The following ATP8B4 variants were observed in gnomAD, a reference collection of about 807,000 sequenced individuals.
ATP8B4 encodes ATPase phospholipid transporting 8B4 (putative), also known as probable phospholipid-transporting ATPase IM.
Under a neutral mutation model 145.6 loss-of-function variants are expected in ATP8B4, and 133 were observed. That is an observed-to-expected ratio of 0.91 (90% CI 0.79 to 1.05). ATP8B4 has a LOEUF of 1.05. Among genes scored for constraint, ATP8B4 ranks in the 50% least tolerant of loss-of-function variants. The probability of loss-of-function intolerance (pLI) is 0.00; values close to 1 mark genes in which losing one functional copy is unlikely to be tolerated. For synonymous variants in ATP8B4, 507 were observed against 492.9 expected, an observed-to-expected ratio of 1.03 and a Z score of -0.38; for missense variants, 1,458 against 1,425.2, an observed-to-expected ratio of 1.02 and a Z score of -0.37.
Position 50,035,198 on chromosome 15 carries a change from T to C in ATP8B4, c.362+3570A>G, listed in dbSNP as rs117711677. ...TAGAGGAAGGTTAGAAGGGAAGGGT[T>C]TCACTTCCATAATTATATTGTGGCT... On this transcript the variant is annotated intron_variant, in intron 6 of 27. Coordinates refer to ENST00000284509, the MANE Select transcript of ATP8B4 (RefSeq NM_024837.4). Among the ~76,000 whole-genome samples the C allele has an allele frequency of 3.5e-3, 539 of 152,316 alleles. 1 individual carries two copies. Among genetic ancestry groups the C allele is most frequent in the Non-Finnish European group, 5.9e-3 (401 of 68,018 alleles).
At chr15:49,970,908 G>C (rs568425604) in intron 13 of ATP8B4, among the ~76,000 whole-genome samples, 17 of 152,232 alleles carry the variant, frequency 1.1e-4, no homozygotes, top group African/African-American at 4.1e-4. Context: ...AGCATGTACT[G>C]CTACCAAAAG....
chr15:50,158,437 G>A (rs960386888), intron 1 of ATP8B4, among the ~76,000 whole-genome samples: 3 of 146,584 alleles, frequency 2.0e-5, no homozygotes, highest in African/African-American at 7.7e-5. Context: ...GGAGGGAGGT[G>A]GGGGGTCAGA....
chr15:49,862,570 C>T lies in ATP8B4; in HGVS notation c.3167-195G>A, dbSNP rs141369144. Among the ~76,000 whole-genome samples, 751 of 152,144 alleles carry T rather than the reference C, an allele frequency of 4.9e-3. 14 individuals are homozygous for T. The East Asian group carries it at 0.071, about 14-fold the overall frequency. ...CTCCTGCGTTCATGCCATTCTCCTG[C>T]CTCAGCCTCCTGAGTAGCTGGGACT... On this transcript the variant is annotated intron_variant, in intron 26 of 27. Coordinates refer to ENST00000284509, the MANE Select transcript of ATP8B4 (RefSeq NM_024837.4).
chr15:49,953,521 G>C (rs931324910), intron 14 of ATP8B4, among the ~76,000 whole-genome samples: 1 of 152,222 alleles, frequency 6.6e-6, no homozygotes, highest in African/African-American at 2.4e-5. Flanking sequence ...TTGAGCTGTG[G>C]GGACAAGTCT....
intron 10 of ATP8B4, among the ~76,000 whole-genome samples, chr15:49,986,695 T>C (rs1382393268): frequency 6.6e-6 from 1 of 152,236 alleles, no homozygotes; most frequent in Non-Finnish European, 1.5e-5. Flanking sequence ...TAAACAGGAC[T>C]TTTAAAATCA....
chr15:50,076,480 G>C (rs764050068), intron 2 of ATP8B4, among the ~76,000 whole-genome samples: 5 of 150,466 alleles, frequency 3.3e-5, no homozygotes, highest in Non-Finnish European at 7.4e-5. Context: ...GACAGAGCAA[G>C]ACTCCATCTC....
At chr15:49,893,942 T>C (rs1235554995) in intron 23 of ATP8B4, among the ~76,000 whole-genome samples, 2 of 152,232 alleles carry the variant, frequency 1.3e-5, no homozygotes, top group African/African-American at 4.8e-5. Context: ...TAATTATAAC[T>C]TGTTTGTATC....
At chr15:50,068,526 A>G (rs1339730190) in intron 3 of ATP8B4, among the ~76,000 whole-genome samples, 1 of 152,192 alleles carries the variant, frequency 6.6e-6, no homozygotes, top group Non-Finnish European at 1.5e-5. Flanking sequence ...TTAAATCTTC[A>G]TCAATTTACA....
chr15:49,918,179 G>C (rs1486531124), intron 19 of ATP8B4, among the ~76,000 whole-genome samples: 1 of 152,018 alleles, frequency 6.6e-6, no homozygotes, highest in Non-Finnish European at 1.5e-5. Context: ...AAAATATGTT[G>C]GTCCCCTTTT....
chr15:50,126,240 C>CAA (rs3076891), intron 1 of ATP8B4, among the ~76,000 whole-genome samples: 30,395 of 90,812 alleles, frequency 0.33, 4,035 homozygotes, highest in East Asian at 0.52. Context: ...GCTAACAGTC[C>CAA]AAAAAAAAAA....
intron 13 of ATP8B4, among the ~76,000 whole-genome samples, chr15:49,966,979 G>A (rs2044610347): frequency 6.6e-6 from 1 of 152,144 alleles, no homozygotes; most frequent in Non-Finnish European, 1.5e-5. Flanking sequence ...AGGCAAACAG[G>A]GTCTGGAGTG....
chr15:50,089,134 G>A (rs747676801), intron 2 of ATP8B4, among the ~76,000 whole-genome samples: 13 of 152,072 alleles, frequency 8.5e-5, no homozygotes, highest in Non-Finnish European at 1.6e-4. Context: ...AACTCAAGAT[G>A]GATTAAAGAC....
In ATP8B4 at chr15:50,071,755, T is replaced by A. The variant is rs147484143; in HGVS notation, c.87+2372A>T. Among the ~76,000 whole-genome samples, 298 of 152,296 alleles carry A rather than the reference T, an allele frequency of 2.0e-3. 3 individuals are homozygous for A. The Middle Eastern group carries it at 0.041, about 21-fold the overall frequency. ...TGTCACCTTGGGGAATTATAGCCCC[T>A]CCCTCTCCCAGGCTAAGAAGCATGT... is the stretch of plus-strand genomic sequence containing the variant. On this transcript the variant is annotated intron_variant, in intron 3 of 27. Coordinates refer to ENST00000284509, the MANE Select transcript of ATP8B4 (RefSeq NM_024837.4).
chr15:49,871,006 TACTTACTATGTG>T (rs2033593305), intron 25 of ATP8B4, among the ~76,000 whole-genome samples: 1 of 152,370 alleles, frequency 6.6e-6, no homozygotes, highest in South Asian at 2.1e-4. Context: ...GAATTCCCTG[TACTTACTATGTG>T]ACTGGGGAGG....
intron 1 of ATP8B4, among the ~76,000 whole-genome samples, chr15:50,151,553 C>A (rs2044347137): frequency 6.6e-6 from 1 of 152,130 alleles, no homozygotes; most frequent in Non-Finnish European, 1.5e-5. Flanking sequence ...AGAAAGACCT[C>A]TGACATGGTC....
intron 1 of ATP8B4, among the ~76,000 whole-genome samples, chr15:50,139,517 T>C (rs1464864817): frequency 2.0e-5 from 3 of 152,170 alleles, no homozygotes; most frequent in African/African-American, 7.2e-5. Context: ...GACGGGTTGA[T>C]AGGTGCGGTA....
intron 22 of ATP8B4, 149 bp from the exon 23 acceptor site, chr15:49,897,664 A>C: frequency 1.4e-6 from 1 of 705,420 alleles, no homozygotes; most frequent in Non-Finnish European, 2.1e-6. Context: ...CTTATGATAG[A>C]TATTTCTCTT....
chr15:50,001,476 T>G (rs2047888848), intron 8 of ATP8B4, among the ~76,000 whole-genome samples: 1 of 152,196 alleles, frequency 6.6e-6, no homozygotes, highest in Non-Finnish European at 1.5e-5. Flanking sequence ...ACTCTTCAGA[T>G]GCTTTGGACA....
At chr15:50,130,750 T>C (rs2153678896) in intron 1 of ATP8B4, among the ~76,000 whole-genome samples, 1 of 152,126 alleles carries the variant, frequency 6.6e-6, no homozygotes. Context: ...CACTCCAGCC[T>C]GGTGACAGAG....
Sources: gnomAD v4.1 joint callset for allele counts (sites outside exome capture counted in the v4.1 genomes callset) on GRCh38, gnomAD v4.1.1 for gene constraint, MANE v1.5 for transcripts, NCBI Gene and HGNC (gene_info 2026-07-23, HGNC 2026-07-21) for gene names.